The following RBFOX1 variants were observed in gnomAD, a reference collection of about 807,000 sequenced individuals.
RBFOX1 encodes the protein RNA binding protein fox-1 homolog 1.
A neutral mutation model predicts 57.7 loss-of-function variants in RBFOX1; 8 were observed. The observed-to-expected ratio is 0.14, with a 90% confidence interval of 0.08 to 0.25. The LOEUF is 0.25. Among genes scored for constraint, RBFOX1 ranks in the 10% least tolerant of loss-of-function variants. RBFOX1 has a pLI of 1.00. For synonymous variants in RBFOX1, 326 were observed against 222.4 expected (o/e 1.47, Z -4.15); for missense variants, 611 against 548.5 (o/e 1.11, Z -1.14).
intron 3 of RBFOX1, among the ~76,000 whole-genome samples, chr16:5,618,987 C>T (rs984603185): frequency 2.0e-5 from 3 of 152,128 alleles, no homozygotes; most frequent in African/African-American, 7.2e-5. Context: ...ATCCTTTGCT[C>T]CGGTGGTTCC....
chr16:5,660,316 C>T (rs950931741), intron 3 of RBFOX1, among the ~76,000 whole-genome samples: 2 of 152,168 alleles, frequency 1.3e-5, no homozygotes, highest in African/African-American at 4.8e-5. Flanking sequence ...CCAGCAGGTC[C>T]TCCTCATTGC....
At chr16:6,870,798 T>G (rs1010699408) in intron 3 of RBFOX1, among the ~76,000 whole-genome samples, 1 of 152,176 alleles carries the variant, frequency 6.6e-6, no homozygotes, top group Non-Finnish European at 1.5e-5. Flanking sequence ...TAGCAACTAA[T>G]TTATGAGGCA....
chr16:6,293,329 A>G (rs1001890893), intron 1 of RBFOX1, among the ~76,000 whole-genome samples: 3 of 152,206 alleles, frequency 2.0e-5, no homozygotes, highest in African/African-American at 7.2e-5. Flanking sequence ...CAGCCTCTCA[A>G]TACTTACATC....
intron 2 of RBFOX1, among the ~76,000 whole-genome samples, chr16:6,349,608 C>T (rs2085945466): frequency 6.6e-6 from 1 of 152,196 alleles, no homozygotes; most frequent in South Asian, 2.1e-4. Context: ...CTGACTCCAG[C>T]TCCAGCTTGC....
chr16:5,709,843 ATTTTTTTTTTTTTTTTTT>A (rs35733374), intron 3 of RBFOX1, among the ~76,000 whole-genome samples: 66 of 12,252 alleles, frequency 5.4e-3, no homozygotes, highest in East Asian at 0.011. Context: ...ATATATATAT[ATTTTTTTTTTTTTTTTTT>A]TTTTTTTTTT....
At chr16:7,506,639 T>G (rs1025455174) in intron 4 of RBFOX1, among the ~76,000 whole-genome samples, 4 of 152,198 alleles carry the variant, frequency 2.6e-5, no homozygotes, top group Admixed American at 1.3e-4. Context: ...TATCTTCTTA[T>G]GGATTCAGTA....
At chr16:6,609,295 T>C (rs1240387692) in intron 2 of RBFOX1, among the ~76,000 whole-genome samples, 1 of 152,178 alleles carries the variant, frequency 6.6e-6, no homozygotes, top group Non-Finnish European at 1.5e-5. Context: ...GAGTGTAGTA[T>C]GTTCTGTAGA....
intron 3 of RBFOX1, among the ~76,000 whole-genome samples, chr16:6,983,029 G>A (rs748328190): frequency 4.1e-5 from 6 of 146,618 alleles, no homozygotes; most frequent in African/African-American, 1.0e-4. Context: ...GAAAGGTGTC[G>A]AACTGAGGCT....
At chr16:7,374,474 T>G (rs547091368) in intron 4 of RBFOX1, among the ~76,000 whole-genome samples, 178 of 152,284 alleles carry the variant, frequency 1.2e-3, no homozygotes, top group African/African-American at 4.0e-3. Flanking sequence ...ATGGTGTAAC[T>G]GTATCCAGCA....
intron 3 of RBFOX1, among the ~76,000 whole-genome samples, chr16:7,047,582 G>A (rs2048397630): frequency 6.7e-6 from 1 of 149,246 alleles, no homozygotes. Flanking sequence ...TATATCTTTT[G>A]TCAAATGTAG....
chr16:6,626,519 G>T (rs1378000578), intron 2 of RBFOX1, among the ~76,000 whole-genome samples: 1 of 152,174 alleles, frequency 6.6e-6, no homozygotes, highest in Non-Finnish European at 1.5e-5. Context: ...CAGCACTTTG[G>T]GAGGCCGAGG....
In RBFOX1 at chr16:6,819,124, G is replaced by A. The variant is rs192705797; in HGVS notation, c.-16+164474G>A. Among the ~76,000 whole-genome samples the A allele has an allele frequency of 3.9e-5, 6 of 152,146 alleles. No homozygotes were observed. In the South Asian group the frequency reaches 1.2e-3, roughly 32 times the overall value. ...GGTTTCAGGATCCAACAATTTCCAT[G>A]TGGGCTATGGCAGTTTGTATCATAT... On this transcript the variant is annotated intron_variant, in intron 3 of 15. Transcript: ENST00000550418.
At chr16:7,034,205 CT>C (rs2043607626) in intron 3 of RBFOX1, among the ~76,000 whole-genome samples, 1 of 152,108 alleles carries the variant, frequency 6.6e-6, no homozygotes, top group African/African-American at 2.4e-5. Context: ...TTTTTCCTAA[CT>C]TGGGGCACCT....
chr16:7,373,736 G>A (rs1361306974), intron 4 of RBFOX1, among the ~76,000 whole-genome samples: 2 of 152,210 alleles, frequency 1.3e-5, no homozygotes, highest in African/African-American at 2.4e-5. Flanking sequence ...TGATACAGGG[G>A]CCCAGCTCTT....
intron 3 of RBFOX1, among the ~76,000 whole-genome samples, chr16:6,694,607 T>A (rs1435676738): frequency 3.9e-5 from 6 of 152,196 alleles, no homozygotes; most frequent in African/African-American, 1.4e-4. Context: ...GTCTCATGTT[T>A]GCCATCCCAA....
chr16:6,854,583 G>A (rs1178288984), intron 3 of RBFOX1, among the ~76,000 whole-genome samples: 5 of 107,292 alleles, frequency 4.7e-5, no homozygotes, highest in African/African-American at 1.3e-4. Context: ...ACTAGGAGAG[G>A]TGAATTTTTT....
chr16:7,356,481 G>A (rs1031890986), intron 4 of RBFOX1, among the ~76,000 whole-genome samples: 2 of 152,134 alleles, frequency 1.3e-5, no homozygotes, highest in Non-Finnish European at 2.9e-5. Context: ...AGGATGGCCA[G>A]GGCCTTGTGA....
rs143436163 is a variant in RBFOX1, at chr16:7,202,131, A to C, written c.27+150033A>C. ...AACAACAACCACAGCAATATAAACA[A>C]CTTGATTAAAATGGTTAAAGGACTT... On this transcript the variant is annotated intron_variant, in intron 4 of 15. Transcript: ENST00000550418. Among the ~76,000 whole-genome samples, 168 of 150,814 alleles carry C rather than the reference A, an allele frequency of 1.1e-3. No homozygotes were observed. The East Asian group carries it at 0.026, about 23-fold the overall frequency.
chr16:5,636,847 C>G (rs2159299), intron 3 of RBFOX1, among the ~76,000 whole-genome samples: 47,034 of 152,032 alleles, frequency 0.31, 9,591 homozygotes, highest in Non-Finnish European at 0.46. Flanking sequence ...GTAAACATTT[C>G]TCATTCTCAA....
Sources: allele counts gnomAD v4.1 joint callset (sites outside exome capture counted in the v4.1 genomes callset), GRCh38; gene constraint gnomAD v4.1.1; transcripts MANE v1.5; gene names NCBI Gene and HGNC (gene_info 2026-07-23, HGNC 2026-07-21).